The following EFCAB5 variants were observed in gnomAD, a reference collection of about 807,000 sequenced individuals.
EFCAB5 encodes EF-hand calcium-binding domain-containing protein 5.
In EFCAB5, 131 loss-of-function variants were observed where a neutral mutation model predicts 167.9. The observed-to-expected ratio is 0.78, with a 90% confidence interval of 0.68 to 0.90. EFCAB5 has a LOEUF of 0.90. Among genes scored for constraint, EFCAB5 ranks in the 40% least tolerant of loss-of-function variants. EFCAB5 has a pLI of 0.00. For missense variants in EFCAB5, 1,663 were observed against 1,745.2 expected (o/e 0.95, Z 0.84); for synonymous variants, 574 against 602.8 (o/e 0.95, Z 0.70).
intron 22 of EFCAB5, among the ~76,000 whole-genome samples, chr17:30,095,419 C>T (rs547894476): frequency 5.3e-5 from 8 of 152,300 alleles, no homozygotes; most frequent in African/African-American, 1.7e-4. Context: ...CCATGATCCT[C>T]TAAGGGTGAC....
At chr17:30,086,997 C>T in intron 18 of EFCAB5, 66 bp from the exon 19 acceptor site, 1 of 1,409,522 alleles carries the variant, frequency 7.1e-7, no homozygotes, top group South Asian at 1.2e-5. Flanking sequence ...ATTTATCTGT[C>T]CCCAAAAGCT....
intron 14 of EFCAB5, 123 bp downstream of exon 14, chr17:30,059,824 C>A: frequency 1.5e-6 from 1 of 666,496 alleles, no homozygotes; most frequent in Non-Finnish European, 2.3e-6. Context: ...TCATGTCTAC[C>A]AGTATAGATA....
chr17:30,005,985 T>C (rs1180875365), intron 7 of EFCAB5, among the ~76,000 whole-genome samples: 2 of 152,216 alleles, frequency 1.3e-5, no homozygotes, highest in Non-Finnish European at 2.9e-5. Flanking sequence ...ACCTATAACC[T>C]GCAAACCCCT....
At chr17:29,967,419 G>C (rs2067852813) in intron 3 of EFCAB5, among the ~76,000 whole-genome samples, 1 of 152,172 alleles carries the variant, frequency 6.6e-6, no homozygotes. Context: ...GGTGCCTGAT[G>C]ATTAGCTCAA....
At chr17:30,060,159 A>G (rs1251364736) in intron 14 of EFCAB5, among the ~76,000 whole-genome samples, 4 of 152,172 alleles carry the variant, frequency 2.6e-5, no homozygotes, top group Non-Finnish European at 4.4e-5. Flanking sequence ...TACTCTCACT[A>G]TGTAACTAAC....
chr17:29,943,504 A>G, intron 2 of EFCAB5, 61 bp from the exon 3 acceptor site: 2 of 1,394,640 alleles, frequency 1.4e-6, no homozygotes, highest in Non-Finnish European at 2.0e-6. Flanking sequence ...GGAATAATTT[A>G]TACAACTTTG....
rs761068200 is a variant in EFCAB5, at chr17:29,969,331, A to T, written c.731A>T (p.Asp244Val). The T allele has an allele frequency of 1.9e-6, 3 of 1,607,678 alleles. No homozygotes were observed. The highest frequency in any genetic ancestry group is 1.7e-6 in the Non-Finnish European group (2 of 1,177,582). ...YQRLMKEVTE[D>V]LKIYVPDTIC... ...AGGTTGATGAAAGAAGTCACAGAAG[A>T]CCTGAAGATATATGTTCCTGACACT... The change falls in exon 4 of 23, where the codon GAC (aspartate) becomes GTC (valine). Residue 244 changes from aspartate (D) to valine (V), a missense_variant. Transcript: ENST00000394835.
chr17:30,099,922 C>T (rs2071358914), intron 22 of EFCAB5, among the ~76,000 whole-genome samples: 1 of 152,016 alleles, frequency 6.6e-6, no homozygotes, highest in Non-Finnish European at 1.5e-5. Flanking sequence ...CTGGTGGTGG[C>T]CCTGCCCTCT....
intron 14 of EFCAB5, among the ~76,000 whole-genome samples, chr17:30,061,272 G>A (rs2070417902): frequency 6.6e-6 from 1 of 152,170 alleles, no homozygotes; most frequent in African/African-American, 2.4e-5. Context: ...TTGGTCTGAG[G>A]AGATGATTGC....
chr17:30,066,963 G>A (rs548697995), intron 14 of EFCAB5, among the ~76,000 whole-genome samples: 2 of 152,260 alleles, frequency 1.3e-5, no homozygotes, highest in African/African-American at 4.8e-5. Context: ...GAAGCAAAAA[G>A]AAATAGAAAA....
rs1027559526 is a variant in EFCAB5 at position 30,020,270 on chromosome 17, G to A, written c.1045-13960G>A. Among the ~76,000 whole-genome samples the A allele has an allele frequency of 9.3e-5, 14 of 150,734 alleles. No homozygotes were observed. In the East Asian group the frequency reaches 2.5e-3, roughly 27 times the overall value. On this transcript the variant is annotated intron_variant, in intron 7 of 22. Coordinates refer to ENST00000394835, the MANE Select transcript of EFCAB5 (RefSeq NM_198529.4). ...TTCTTTTTGGCATAGTCTCTATTTA[G>A]TTAAAAATTGTGTTATAATTGTTAT...
At position 30,108,017 on chromosome 17, in the gene EFCAB5, A is replaced by G; in HGVS notation, c.4505A>G (p.Glu1502Gly). The change falls in exon 23 of 23, where the codon GAG (glutamate) becomes GGG (glycine). Residue 1502 changes from glutamate (E) to glycine (G), a missense_variant. By Grantham distance (98) the Glu-to-Gly change is moderately conservative. Transcript: ENST00000394835. ...AAAATGCCAGGGGAAGGTTTGCAAG[A>G]GAAGTGATAATGGATGATAATGGAA... ...YAKMPGEGLQ[E>G]K 6.2e-7 allele frequency: 1 copy of G among 1,607,052 alleles called. No homozygotes were observed. Among genetic ancestry groups the G allele is most frequent in the Non-Finnish European group, 8.5e-7 (1 of 1,178,108 alleles).
intron 4 of EFCAB5, among the ~76,000 whole-genome samples, chr17:29,984,129 T>G (rs185835616): frequency 4.6e-5 from 7 of 151,802 alleles, no homozygotes; most frequent in Non-Finnish European, 1.0e-4. Flanking sequence ...GTGAGTGGTT[T>G]AGTGAGTGAG....
chr17:30,020,131 A>G (rs2069140057), intron 7 of EFCAB5, among the ~76,000 whole-genome samples: 2 of 152,104 alleles, frequency 1.3e-5, no homozygotes, highest in African/African-American at 4.8e-5. Context: ...AGGCCAAATT[A>G]TATTCCATTG....
chr17:29,939,552 TG>T (rs577577246), upstream of EFCAB5, among the ~76,000 whole-genome samples: 125 of 152,242 alleles, frequency 8.2e-4, 1 homozygote, highest in Non-Finnish European at 1.6e-3. Flanking sequence ...CATTGTTTAG[TG>T]TAGCCACCTT....
rs1265685420 is a variant in EFCAB5 at position 30,036,042 on chromosome 17, GTATATATTTTATATATAACCATATATTTA to G, written c.1200+1689_1200+1717del. Among the ~76,000 whole-genome samples, 711 of 142,784 alleles carry G rather than the reference GTATATATTTTATATATAACCATATATTTA, an allele frequency of 5.0e-3. 17 individuals carry two copies. Among genetic ancestry groups the G allele is most frequent in the Admixed American group, 0.041 (563 of 13,736 alleles). The allele number at this position is 142,784 out of a possible 152,430, so 93.7% of individuals were successfully genotyped here. ...CATGCATATATATAACTATATATTTGTATATATTTTATATATAACCATATATTTATATATATTTTATATATAACCATATA... is the reference window on the plus strand; with the variant it reads ...CATGCATATATATAACTATATATTTGTATATATTTTATATATAACCATATA... On this transcript the variant is annotated intron_variant, in intron 8 of 22. Transcript: ENST00000394835.
Position 30,078,293 on chromosome 17 carries a change from T to C in EFCAB5, c.2816T>C (p.Ile939Thr). Reference protein sequence around the residue: ...RLSSKQFQNYIELVVSELRGN... With the variant: ...RLSSKQFQNYTELVVSELRGN... ...TCTTCAAAACAATTTCAGAATTACA[T>C]AGAATTGGTTGTGTCTGAACTCAGG... Residue 939 changes from isoleucine to threonine, a missense_variant, in exon 15 of 23, where the codon ATA becomes ACA. Ile to Thr is a moderately conservative substitution (Grantham distance 89, BLOSUM62 -1). Transcript: ENST00000394835. 6.2e-7 allele frequency: 1 copy of C among 1,613,970 alleles called. No individual in the cohort carries two copies. The highest frequency in any genetic ancestry group is 8.5e-7 in the Non-Finnish European group (1 of 1,179,872).
At chr17:30,039,714 C>T (rs1238579940) in intron 8 of EFCAB5, among the ~76,000 whole-genome samples, 1 of 152,206 alleles carries the variant, frequency 6.6e-6, no homozygotes, top group African/African-American at 2.4e-5. Flanking sequence ...TTGTCAATCC[C>T]ACCAGTGTAA....
chr17:30,073,021 C>T (rs1054772250), intron 14 of EFCAB5: 1 of 554,178 alleles, frequency 1.8e-6, no homozygotes, highest in Non-Finnish European at 3.2e-6. Flanking sequence ...TCACTCTGCA[C>T]TCTGGCTCCT....
Sources: gnomAD v4.1 joint callset for allele counts (sites outside exome capture counted in the v4.1 genomes callset) on GRCh38, gnomAD v4.1.1 for gene constraint, MANE v1.5 for transcripts, NCBI Gene and HGNC (gene_info 2026-07-23, HGNC 2026-07-21) for gene names.